The following CNTN1 variants were observed in gnomAD, a reference collection of about 807,000 sequenced individuals.
The protein encoded by CNTN1 is contactin-1.
A neutral mutation model predicts 126.4 loss-of-function variants in CNTN1; 38 were observed. The ratio of observed to expected loss-of-function variants is 0.30; its 90% CI spans 0.23 to 0.39. CNTN1 has a LOEUF of 0.39. Ranked by LOEUF, CNTN1 falls within the 10% of genes least tolerant of loss-of-function variation. The pLI, the probability that CNTN1 is intolerant of heterozygous loss-of-function variation, is 1.00. For synonymous variants in CNTN1, 413 were observed against 422.6 expected, an observed-to-expected ratio of 0.98 and a Z score of 0.28; for missense variants, 1,009 against 1,248.4, an observed-to-expected ratio of 0.81 and a Z score of 2.89.
At chr12:40,747,117 G>A (rs756967428) in intron 1 of CNTN1, among the ~76,000 whole-genome samples, 7 of 152,026 alleles carry the variant, frequency 4.6e-5, no homozygotes, top group Admixed American at 6.6e-5. Context: ...TGATAACATA[G>A]ATCAATGTGA....
chr12:40,693,541 C>A (rs1217564836), intron 1 of CNTN1, among the ~76,000 whole-genome samples: 1 of 152,204 alleles, frequency 6.6e-6, no homozygotes, highest in Admixed American at 6.5e-5. Context: ...CTGATGACAC[C>A]CTGCTTTGAA....
intron 16 of CNTN1, among the ~76,000 whole-genome samples, chr12:40,986,718 A>ACTAT (rs1169533952): frequency 3.9e-5 from 6 of 152,080 alleles, no homozygotes; most frequent in African/African-American, 1.2e-4. Context: ...CACTCCTGCC[A>ACTAT]CTATCTCATG....
In CNTN1 at chr12:40,918,829, G is replaced by C. The variant is rs184982809; in HGVS notation, c.227+58G>C. ...GTGTCAGAGTAATGATCACAGATCA[G>C]CATCTATGAACTTGTACAGATGTAA... On this transcript the variant is annotated intron_variant, in intron 4 of 23. Transcript: ENST00000551295. 86 of 1,589,756 alleles carry C rather than the reference G, an allele frequency of 5.4e-5. No homozygotes were observed. The Admixed American group carries it at 1.0e-3, about 19-fold the overall frequency.
chr12:40,736,147 G>A (rs900053532), intron 1 of CNTN1, among the ~76,000 whole-genome samples: 12 of 151,838 alleles, frequency 7.9e-5, no homozygotes, highest in Admixed American at 1.3e-4. Flanking sequence ...ACCACTATTC[G>A]GACACACACA....
chr12:40,876,251 G>A (rs1032504786), intron 1 of CNTN1, among the ~76,000 whole-genome samples: 3 of 151,748 alleles, frequency 2.0e-5, no homozygotes, highest in Non-Finnish European at 2.9e-5. Flanking sequence ...TACCAGACAC[G>A]GCATGTGAGA....
At chr12:40,867,414 A>G (rs1179476989) in intron 1 of CNTN1, among the ~76,000 whole-genome samples, 3 of 152,200 alleles carry the variant, frequency 2.0e-5, no homozygotes, top group African/African-American at 7.2e-5. Context: ...TCAGCTAAGT[A>G]AGAGGAATAA....
chr12:40,753,894 A>T (rs1938497848), intron 1 of CNTN1, among the ~76,000 whole-genome samples: 1 of 152,184 alleles, frequency 6.6e-6, no homozygotes, highest in African/African-American at 2.4e-5. Flanking sequence ...TAATTGTTCT[A>T]TAACATTTTA....
At chr12:40,701,099 T>G (rs563888879) in intron 1 of CNTN1, among the ~76,000 whole-genome samples, 5 of 152,206 alleles carry the variant, frequency 3.3e-5, no homozygotes, top group African/African-American at 4.8e-5. Flanking sequence ...TAGTACTTTG[T>G]GAGTCACGGT....
At chr12:40,999,967 A>G (rs1948316708) in intron 17 of CNTN1, among the ~76,000 whole-genome samples, 1 of 151,822 alleles carries the variant, frequency 6.6e-6, no homozygotes, top group African/African-American at 2.4e-5. Context: ...CAGCCTCCCA[A>G]AGTGCTAGAT....
intron 1 of CNTN1, among the ~76,000 whole-genome samples, chr12:40,880,704 A>G (rs1020837944): frequency 1.3e-5 from 2 of 152,042 alleles, no homozygotes; most frequent in Admixed American, 1.3e-4. Context: ...TTGTATTGAT[A>G]CATACGACTG....
intron 1 of CNTN1, among the ~76,000 whole-genome samples, chr12:40,739,085 A>G (rs988058674): frequency 7.2e-5 from 11 of 152,102 alleles, no homozygotes; most frequent in African/African-American, 2.4e-4. Flanking sequence ...TTTTTCTGGC[A>G]TCAGTATGTT....
chr12:40,753,310 T>C (rs1207638291), intron 1 of CNTN1, among the ~76,000 whole-genome samples: 2 of 152,162 alleles, frequency 1.3e-5, no homozygotes, highest in Admixed American at 1.3e-4. Context: ...AAAATTACAA[T>C]GACCTATAAC....
chr12:40,860,011 C>A (rs531911379), intron 1 of CNTN1, among the ~76,000 whole-genome samples: 2 of 152,098 alleles, frequency 1.3e-5, no homozygotes, highest in East Asian at 3.9e-4. Context: ...ATAGAACACC[C>A]ATTATCTTAC....
intron 1 of CNTN1, among the ~76,000 whole-genome samples, chr12:40,818,353 C>G (rs993240030): frequency 6.6e-6 from 1 of 152,026 alleles, no homozygotes; most frequent in Non-Finnish European, 1.5e-5. Context: ...TTCTTGGAGG[C>G]TTTGTTCATT....
At chr12:41,000,610 A>T in intron 17 of CNTN1, among the ~76,000 whole-genome samples, 1 of 145,036 alleles carries the variant, frequency 6.9e-6, no homozygotes, top group Non-Finnish European at 1.5e-5. Context: ...TCTATGGGGA[A>T]ACAAAATAAT....
intron 1 of CNTN1, among the ~76,000 whole-genome samples, chr12:40,764,415 T>A (rs1357703869): frequency 6.6e-6 from 1 of 152,090 alleles, no homozygotes; most frequent in East Asian, 1.9e-4. Context: ...AGAAAAGAGG[T>A]TTGTCTATTT....
chr12:40,900,939 T>C (rs1944579918), intron 1 of CNTN1, among the ~76,000 whole-genome samples: 1 of 152,200 alleles, frequency 6.6e-6, no homozygotes, highest in African/African-American at 2.4e-5. Flanking sequence ...TGTCGATGAT[T>C]TACATGAAGA....
chr12:41,024,308 T>G (rs1291559688), intron 20 of CNTN1, among the ~76,000 whole-genome samples: 1 of 152,142 alleles, frequency 6.6e-6, no homozygotes, highest in Non-Finnish European at 1.5e-5. Flanking sequence ...AATATCAGGA[T>G]AGTTACAAAT....
chr12:40,707,513 A>G (rs1941800565), intron 1 of CNTN1, among the ~76,000 whole-genome samples: 3 of 151,690 alleles, frequency 2.0e-5, no homozygotes, highest in Admixed American at 2.0e-4. Flanking sequence ...CGGCCTCCCA[A>G]AGGGCTGGGA....
Sources: gnomAD v4.1 joint callset for allele counts (sites outside exome capture counted in the v4.1 genomes callset) on GRCh38, gnomAD v4.1.1 for gene constraint, MANE v1.5 for transcripts, NCBI Gene and HGNC (gene_info 2026-07-23, HGNC 2026-07-21) for gene names.